The following RALGPS2 variants were observed in gnomAD, a reference collection of about 807,000 sequenced individuals.
The protein encoded by RALGPS2 is Ral GEF with PH domain and SH3 binding motif 2.
RALGPS2 carries 43 observed loss-of-function variants against 86.8 expected under a neutral mutation model. The ratio of observed to expected loss-of-function variants is 0.50; its 90% CI spans 0.39 to 0.64. The LOEUF (loss-of-function observed/expected upper bound fraction) is 0.64, where lower values mean the gene tolerates loss of function less well. Among genes scored for constraint, RALGPS2 ranks in the 30% least tolerant of loss-of-function variants. The pLI is 0.00. For synonymous variants in RALGPS2, 243 were observed against 231.3 expected (o/e 1.05, Z -0.46); for missense variants, 536 against 694.6 (o/e 0.77, Z 2.57).
At chr1:178,753,766 C>T (rs1046181266) in intron 1 of RALGPS2, 12 of 151,952 alleles carry the variant, frequency 7.9e-5, no homozygotes, top group African/African-American at 2.9e-4. Flanking sequence ...TATAACAGTA[C>T]CTGCATTAGA....
At chr1:178,824,325 G>A (rs1444138359) in intron 7 of RALGPS2, among the ~76,000 whole-genome samples, 1 of 152,144 alleles carries the variant, frequency 6.6e-6, no homozygotes, top group African/African-American at 2.4e-5. Context: ...GGAAGGGAAT[G>A]TGGGACCAAA....
intron 1 of RALGPS2, among the ~76,000 whole-genome samples, chr1:178,743,670 A>G (rs1449623514): frequency 6.6e-6 from 1 of 152,238 alleles, no homozygotes; most frequent in Non-Finnish European, 1.5e-5. Context: ...AAGTGACATC[A>G]TTACAGAGCC....
intron 8 of RALGPS2, chr1:178,853,627 A>G (rs1463221280): frequency 2.5e-6 from 4 of 1,602,126 alleles, no homozygotes; most frequent in Admixed American, 1.7e-5. Context: ...AGAAGTTGAC[A>G]GAGCCGTCTG....
At chr1:178,727,985 G>A (rs1032880619) in intron 1 of RALGPS2, among the ~76,000 whole-genome samples, 20 of 152,068 alleles carry the variant, frequency 1.3e-4, no homozygotes, top group Non-Finnish European at 1.2e-4. Flanking sequence ...ATTGCCTAGC[G>A]AACAAAAACA....
At chr1:178,761,534 T>C (rs991449981) in intron 1 of RALGPS2, among the ~76,000 whole-genome samples, 1 of 152,088 alleles carries the variant, frequency 6.6e-6, no homozygotes, top group African/African-American at 2.4e-5. Flanking sequence ...TTCAGTTTAT[T>C]GATAAAGCTT....
In RALGPS2 at chr1:178,876,091, G is replaced by A. The variant is rs181867222; in HGVS notation, c.608-1407G>A. Among the ~76,000 whole-genome samples the A allele has an allele frequency of 2.0e-3, 312 of 152,212 alleles. 1 individual carries two copies. The highest frequency in any genetic ancestry group is 7.2e-3 in the African/African-American group (301 of 41,522). ...TGATACTAGGATGAGTAAAAAGATT[G>A]CCATGCCAACCTTTTATGTTAAGCA... On this transcript the variant is annotated intron_variant, in intron 8 of 19. Coordinates refer to ENST00000367635, the MANE Select transcript of RALGPS2 (RefSeq NM_152663.5).
At chr1:178,853,204 A>G (rs999896451) in intron 8 of RALGPS2, 2 of 985,396 alleles carry the variant, frequency 2.0e-6, no homozygotes, top group Non-Finnish European at 2.4e-6. Flanking sequence ...AAATAAGACA[A>G]TGCAAATGAG....
At chr1:178,815,683 GT>G (rs1655192887) in intron 6 of RALGPS2, among the ~76,000 whole-genome samples, 1 of 152,188 alleles carries the variant, frequency 6.6e-6, no homozygotes, top group East Asian at 1.9e-4. Flanking sequence ...AGCAGATTCA[GT>G]GTCTGGTAAG....
At chr1:178,838,118 AG>A (rs1352593579) in intron 8 of RALGPS2, among the ~76,000 whole-genome samples, 1 of 152,254 alleles carries the variant, frequency 6.6e-6, no homozygotes, top group Non-Finnish European at 1.5e-5. Flanking sequence ...GCTGAACAAA[AG>A]GCAGCAGAAA....
At chr1:178,732,847 C>G (rs1221481178) in intron 1 of RALGPS2, among the ~76,000 whole-genome samples, 1 of 151,190 alleles carries the variant, frequency 6.6e-6, no homozygotes, top group Non-Finnish European at 1.5e-5. Flanking sequence ...AATAGATTAT[C>G]TCCTGTTGAA....
intron 8 of RALGPS2, among the ~76,000 whole-genome samples, chr1:178,870,229 A>T (rs1658666696): frequency 6.6e-6 from 1 of 152,198 alleles, no homozygotes; most frequent in African/African-American, 2.4e-5. Context: ...ACTGTAATTG[A>T]GATTTTGTTG....
chr1:178,776,735 AAC>A lies in RALGPS2; in HGVS notation c.-28_-27del, dbSNP rs1653104575. On this transcript the variant is annotated 5_prime_UTR_variant, in exon 2 of 20. Transcript: ENST00000367635. Reference sequence around the variant, plus strand: ...AGGCAGTCAGTCCTCTGTTGCTGTTAACATAAGGTCAGGGACTGATGAGGAAA... The same window carrying A: ...AGGCAGTCAGTCCTCTGTTGCTGTTAATAAGGTCAGGGACTGATGAGGAAA... 1.3e-6 allele frequency: 2 copies of A among 1,581,340 alleles called. No individual in the cohort carries two copies. The highest frequency in any genetic ancestry group is 2.3e-5 in the South Asian group (2 of 87,690).
At chr1:178,772,155 T>C (rs745422675) in intron 1 of RALGPS2, among the ~76,000 whole-genome samples, 28 of 152,250 alleles carry the variant, frequency 1.8e-4, no homozygotes, top group Non-Finnish European at 3.4e-4. Context: ...CACACTTTTG[T>C]CAAATATTTA....
intron 1 of RALGPS2, among the ~76,000 whole-genome samples, chr1:178,768,174 T>C (rs1652608523): frequency 6.6e-6 from 1 of 152,222 alleles, no homozygotes; most frequent in African/African-American, 2.4e-5. Flanking sequence ...ATTCTTTTTC[T>C]GTCATTTCTG....
chr1:178,779,270 C>T (rs1216617184), intron 2 of RALGPS2, among the ~76,000 whole-genome samples: 2 of 152,142 alleles, frequency 1.3e-5, no homozygotes, highest in African/African-American at 4.8e-5. Flanking sequence ...TTTGCCCCAA[C>T]TTTTTTATTT....
At chr1:178,905,402 A>T (rs1244574634) in intron 18 of RALGPS2, among the ~76,000 whole-genome samples, 1 of 152,302 alleles carries the variant, frequency 6.6e-6, no homozygotes, top group Non-Finnish European at 1.5e-5. Flanking sequence ...AGGGGTGAGT[A>T]TGTAAATTGT....
rs146019627 is a variant in RALGPS2 at position 178,806,181 on chromosome 1, A to G, written c.214-1864A>G. 5.2e-4 allele frequency among the ~76,000 whole-genome samples: 79 copies of G among 152,178 alleles called. No homozygotes were observed. The East Asian group carries it at 0.014, about 26-fold the overall frequency. On this transcript the variant is annotated intron_variant, in intron 4 of 19. Coordinates refer to ENST00000367635, the MANE Select transcript of RALGPS2 (RefSeq NM_152663.5). ...TTTGTTTTGATAAAGCACATACTCT[A>G]CTAGTTCTCAGAGAGTAGGTACATA...
chr1:178,910,183 G>A (rs1004085540), intron 19 of RALGPS2, among the ~76,000 whole-genome samples: 1 of 152,118 alleles, frequency 6.6e-6, no homozygotes, highest in East Asian at 1.9e-4. Context: ...GGGTTTTCTA[G>A]ACATAACATC....
At chr1:178,867,857 AT>A (rs1558161555) in intron 8 of RALGPS2, among the ~76,000 whole-genome samples, 2 of 151,888 alleles carry the variant, frequency 1.3e-5, no homozygotes, top group African/African-American at 2.4e-5. Context: ...TATAACTCTT[AT>A]GCTGTCGTCA....
Sources: gnomAD v4.1 joint callset for allele counts (sites outside exome capture counted in the v4.1 genomes callset) on GRCh38, gnomAD v4.1.1 for gene constraint, MANE v1.5 for transcripts, NCBI Gene and HGNC (gene_info 2026-07-23, HGNC 2026-07-21) for gene names.